Variants in SNX9 observed in about 807,000 individuals in gnomAD.
SNX9 encodes sorting nexin-9.
Under a neutral mutation model 89.4 loss-of-function variants are expected in SNX9, and 44 were observed. The observed-to-expected ratio is 0.49, with a 90% confidence interval of 0.39 to 0.63. The LOEUF (loss-of-function observed/expected upper bound fraction) is 0.63, where lower values mean the gene tolerates loss of function less well. Ranked by LOEUF, SNX9 falls within the 30% of genes least tolerant of loss-of-function variation. SNX9 has a pLI of 0.00. For missense variants in SNX9, 578 were observed against 736.1 expected (o/e 0.79, Z 2.49); for synonymous variants, 236 against 247.8 (o/e 0.95, Z 0.45).
intron 10 of SNX9, among the ~76,000 whole-genome samples, chr6:157,922,559 A>G (rs756993701): frequency 3.3e-5 from 5 of 152,260 alleles, no homozygotes; most frequent in Non-Finnish European, 7.3e-5. Context: ...AAGTGAACAC[A>G]TAGTAAGTCT....
intron 1 of SNX9, chr6:157,829,165 C>T (rs189874043): frequency 8.8e-5 from 12 of 136,082 alleles, no homozygotes; most frequent in African/African-American, 3.0e-4. Context: ...TTTTTTAAAA[C>T]ATAATCAATT....
chr6:157,895,491 A>G (rs1006859490), intron 4 of SNX9, among the ~76,000 whole-genome samples: 6 of 152,220 alleles, frequency 3.9e-5, no homozygotes, highest in Admixed American at 1.3e-4. Flanking sequence ...GACTGAAAAC[A>G]AGATAAATGA....
chr6:157,938,658 G>A lies in SNX9; in HGVS notation c.1559G>A (p.Ser520Asn). The part of the protein sequence containing the change: ...HKGAIEKVKE[S>N]DKLVATSKIT... ...GGAGCAATAGAAAAAGTGAAAGAAA[G>A]TGACAAACTAGTTGCAACAAGTAAA... Residue 520 changes from serine (S) to asparagine (N), a missense_variant, in exon 16 of 18, where the codon AGT (serine) becomes AAT (asparagine). Physicochemically the swap from Ser to Asn is conservative, Grantham distance 46 (BLOSUM62 1). This residue lies in a region of SNX9 where 348 missense variants were observed against 491.4 expected (regional missense o/e 0.71). Coordinates refer to ENST00000392185, the MANE Select transcript of SNX9 (RefSeq NM_016224.5). 1 of 1,613,756 alleles carries A rather than the reference G, an allele frequency of 6.2e-7. No homozygotes were observed. Among genetic ancestry groups the A allele is most frequent in the Non-Finnish European group, 8.5e-7 (1 of 1,179,772 alleles).
chr6:157,933,203 A>G (rs554893488), intron 13 of SNX9, among the ~76,000 whole-genome samples: 40 of 152,302 alleles, frequency 2.6e-4, no homozygotes, highest in Admixed American at 2.5e-3. Context: ...CTGAAGCAGA[A>G]GGATCGCTTG....
In SNX9 at chr6:157,879,127, A is replaced by ATATACATATACATTATACATTATACAT. The variant is rs1382563472; in HGVS notation, c.300+3951_300+3952insTATACATATACATTATACATTATACAT. ...TTCGGTAATGTATATGAGTATTTAC[A>ATATACATATACATTATACATTATACAT]ATGCATATCTCTAAGGCCCAGCGGT... On this transcript the variant is annotated intron_variant, in intron 4 of 17. Coordinates refer to ENST00000392185, the MANE Select transcript of SNX9 (RefSeq NM_016224.5). Among the ~76,000 whole-genome samples the ATATACATATACATTATACATTATACAT allele has an allele frequency of 2.6e-5, 4 of 152,330 alleles. No homozygotes were observed. In the East Asian group the frequency reaches 5.8e-4, roughly 22 times the overall value.
At chr6:157,860,346 C>T (rs1782096099) in intron 1 of SNX9, among the ~76,000 whole-genome samples, 1 of 152,202 alleles carries the variant, frequency 6.6e-6, no homozygotes, top group African/African-American at 2.4e-5. Flanking sequence ...TTCAAGGCTG[C>T]AGTGAGCCAT....
intron 1 of SNX9, among the ~76,000 whole-genome samples, chr6:157,834,533 T>C (rs1232002831): frequency 6.6e-6 from 1 of 151,786 alleles, no homozygotes; most frequent in African/African-American, 2.4e-5. Context: ...TTTTTTTTCT[T>C]TAGTAGAATT....
intron 4 of SNX9, among the ~76,000 whole-genome samples, chr6:157,880,239 T>C (rs1782597476): frequency 6.6e-6 from 1 of 152,202 alleles, no homozygotes; most frequent in Admixed American, 6.5e-5. Flanking sequence ...GAATAGTCAG[T>C]GGATTAGGCC....
intron 9 of SNX9, among the ~76,000 whole-genome samples, chr6:157,911,984 G>GTGACA (rs1008979653): frequency 1.7e-4 from 26 of 152,212 alleles, no homozygotes; most frequent in Admixed American, 6.5e-4. Flanking sequence ...GGGCGGTGGA[G>GTGACA]TGACAGCCAG....
intron 12 of SNX9, among the ~76,000 whole-genome samples, chr6:157,929,215 T>TC (rs1783758664): frequency 6.6e-6 from 1 of 152,216 alleles, no homozygotes; most frequent in African/African-American, 2.4e-5. Context: ...CCTGCCTCCC[T>TC]CCTTCTCCTT....
chr6:157,863,608 C>T lies in SNX9; in HGVS notation c.13-3939C>T, dbSNP rs187493745. On this transcript the variant is annotated intron_variant, in intron 1 of 17. Transcript: ENST00000392185. ...GAAGTATAGCTAATAGTGGAAAATG[C>T]AGTATAGGAAAATGGACCATTTCTT... 6.6e-5 allele frequency among the ~76,000 whole-genome samples: 10 copies of T among 152,176 alleles called. No homozygotes were observed. The East Asian group carries it at 1.9e-3, about 29-fold the overall frequency.
At chr6:157,923,307 TAAATG>T (rs1783620829) in intron 10 of SNX9, among the ~76,000 whole-genome samples, 1 of 151,998 alleles carries the variant, frequency 6.6e-6, no homozygotes, top group Non-Finnish European at 1.5e-5. Flanking sequence ...CTCGTGTAAA[TAAATG>T]GTAGACACAG....
intron 4 of SNX9, among the ~76,000 whole-genome samples, chr6:157,890,689 C>T (rs1024184558): frequency 1.3e-5 from 2 of 152,216 alleles, no homozygotes; most frequent in Admixed American, 1.3e-4. Context: ...CGTTCACGGG[C>T]AGCAGGAGAT....
In SNX9 at chr6:157,828,310, C is replaced by CAAAAAAAAAAAAAA. The variant is rs371428014; in HGVS notation, c.12+4865_12+4866insAAAAAAAAAAAAAA. Among the ~76,000 whole-genome samples the CAAAAAAAAAAAAAA allele has an allele frequency of 3.0e-3, 462 of 152,060 alleles. 3 individuals are homozygous for CAAAAAAAAAAAAAA. The highest frequency in any genetic ancestry group is 0.011 in the African/African-American group (438 of 41,400). ...TAGATTAGAAAGCATAAAAATGTTG[C>CAAAAAAAAAAAAAA]AGTTTTTCTACTGTGCCTTGTTTTT... On this transcript the variant is annotated intron_variant, in intron 1 of 17. Transcript: ENST00000392185.
intron 1 of SNX9, among the ~76,000 whole-genome samples, chr6:157,825,065 T>C (rs912342815): frequency 1.3e-5 from 2 of 152,086 alleles, no homozygotes; most frequent in African/African-American, 2.4e-5. Context: ...CTGGCCAATA[T>C]GGTGAAACCC....
intron 2 of SNX9, among the ~76,000 whole-genome samples, chr6:157,868,503 A>C (rs1014579786): frequency 6.6e-6 from 1 of 152,102 alleles, no homozygotes; most frequent in Admixed American, 6.6e-5. Flanking sequence ...TTTGTAGACT[A>C]TTGGATTTCT....
chr6:157,928,467 A>T, intron 11 of SNX9, 132 bp from the exon 12 acceptor site: 1 of 669,380 alleles, frequency 1.5e-6, no homozygotes, highest in Non-Finnish European at 2.6e-6. Context: ...GCCTGTATTT[A>T]AGGCTAACTT....
chr6:157,884,589 T>C (rs1487002759), intron 4 of SNX9, among the ~76,000 whole-genome samples: 2 of 152,172 alleles, frequency 1.3e-5, no homozygotes, highest in African/African-American at 4.8e-5. Flanking sequence ...CTCTTCACTC[T>C]CACTCCCACC....
chr6:157,848,102 T>G (rs1781838625), intron 1 of SNX9, among the ~76,000 whole-genome samples: 1 of 152,216 alleles, frequency 6.6e-6, no homozygotes, highest in Non-Finnish European at 1.5e-5. Flanking sequence ...TTGCTTTGCG[T>G]GTTGATGGCT....
Sources: gnomAD v4.1 joint callset for allele counts (sites outside exome capture counted in the v4.1 genomes callset) on GRCh38, gnomAD v4.1.1 for gene constraint, gnomAD v4.1.1 regional missense constraint, MANE v1.5 for transcripts, NCBI Gene and HGNC (gene_info 2026-07-23, HGNC 2026-07-21) for gene names.